Variants in MBTPS1 observed in about 807,000 individuals in gnomAD.
MBTPS1 encodes membrane bound transcription factor peptidase, site 1, also known as membrane-bound transcription factor site-1 protease.
A neutral mutation model predicts 127.8 loss-of-function variants in MBTPS1; 94 were observed. The ratio of observed to expected loss-of-function variants is 0.74; its 90% CI spans 0.62 to 0.87. MBTPS1 has a LOEUF of 0.87. Ranked by LOEUF, MBTPS1 falls within the 40% of genes least tolerant of loss-of-function variation. The probability of loss-of-function intolerance (pLI) is 0.00; values close to 1 mark genes in which losing one functional copy is unlikely to be tolerated. For synonymous variants in MBTPS1, 632 were observed against 509.4 expected, an observed-to-expected ratio of 1.24 and a Z score of -3.24; for missense variants, 1,636 against 1,353.2, an observed-to-expected ratio of 1.21 and a Z score of -3.28.
chr16:84,115,432 T>G (rs1319600497), intron 1 of MBTPS1, among the ~76,000 whole-genome samples: 1 of 152,246 alleles, frequency 6.6e-6, no homozygotes, highest in East Asian at 1.9e-4. Flanking sequence ...TCAACAGTTT[T>G]GCTGTCATCC....
At chr16:84,085,162 C>T in intron 9 of MBTPS1, 28 bp from the exon 10 acceptor site, 3 of 1,611,080 alleles carry the variant, frequency 1.9e-6, no homozygotes, top group Non-Finnish European at 2.5e-6. Flanking sequence ...TTGGTTGCTA[C>T]ATCTCGCACA....
In MBTPS1 at chr16:84,054,566, C is replaced by G; in HGVS notation, c.3042G>C (p.Leu1014=). ...VFAFLGAMVV[L]AFFVVQINKA... ...TGTTGATTTGTACCACAAAGAAGGC[C>G]AGGACCACCATGGCTCCCAGGAAGG... The change falls in exon 23 of 23, where the codon CTG becomes CTC. Residue 1014 remains leucine (L), a synonymous_variant. Transcript: ENST00000343411. 6.2e-7 allele frequency: 1 copy of G among 1,613,922 alleles called. No individual in the cohort carries two copies. Among genetic ancestry groups the G allele is most frequent in the Non-Finnish European group, 8.5e-7 (1 of 1,179,884 alleles).
intron 1 of MBTPS1, among the ~76,000 whole-genome samples, chr16:84,103,858 A>C (rs2086289631): frequency 6.6e-6 from 1 of 152,226 alleles, no homozygotes; most frequent in African/African-American, 2.4e-5. Context: ...CGTGGAACTC[A>C]TCAGAAATGA....
At chr16:84,114,131 AT>A (rs60720978) in intron 1 of MBTPS1, among the ~76,000 whole-genome samples, 110,543 of 151,512 alleles carry the variant, frequency 0.73, 40,441 homozygotes, top group East Asian at 0.85. Context: ...CGCCCGGCTA[AT>A]TTTTTTGTAT....
At chr16:84,070,149 G>C (rs1396866084) in intron 13 of MBTPS1, 111 bp from the exon 14 acceptor site, 2 of 896,058 alleles carry the variant, frequency 2.2e-6, no homozygotes, top group African/African-American at 1.7e-5. Flanking sequence ...TTGAACACAA[G>C]AATTTCCAAT....
intron 1 of MBTPS1, among the ~76,000 whole-genome samples, chr16:84,112,438 T>C (rs1321439857): frequency 6.6e-6 from 1 of 152,010 alleles, no homozygotes; most frequent in Non-Finnish European, 1.5e-5. Flanking sequence ...GGCAGGCGGA[T>C]CATGAGGTCA....
chr16:84,093,055 T>C, intron 6 of MBTPS1, 133 bp downstream of exon 6: 1 of 678,604 alleles, frequency 1.5e-6, no homozygotes, highest in South Asian at 1.7e-5. Context: ...AAACTGAGCA[T>C]GCGTGCTGCA....
chr16:84,066,749 A>G (rs1257356515), intron 16 of MBTPS1, 136 bp from the exon 17 acceptor site: 12 of 866,352 alleles, frequency 1.4e-5, no homozygotes, highest in Non-Finnish European at 1.9e-5. Context: ...ACTGAAACCA[A>G]CTGTCTGGGT....
intron 12 of MBTPS1, chr16:84,071,663 A>C (rs574845397): frequency 6.6e-6 from 1 of 152,232 alleles, no homozygotes; most frequent in Non-Finnish European, 1.5e-5. Flanking sequence ...AAATTTTATT[A>C]TCTCTCTGGA....
chr16:84,113,445 C>T (rs2086426359), intron 1 of MBTPS1, among the ~76,000 whole-genome samples: 3 of 152,152 alleles, frequency 2.0e-5, no homozygotes. Flanking sequence ...CTGAAAAAGA[C>T]ACCGTTCAAA....
chr16:84,104,538 T>C (rs1160252488), intron 1 of MBTPS1, among the ~76,000 whole-genome samples: 1 of 152,164 alleles, frequency 6.6e-6, no homozygotes, highest in East Asian at 1.9e-4. Flanking sequence ...CTATGACACA[T>C]GTGGGCTCCA....
chr16:84,091,708 C>T (rs367803263), intron 7 of MBTPS1, 24 bp downstream of exon 7: 4 of 1,533,088 alleles, frequency 2.6e-6, no homozygotes, highest in Admixed American at 1.7e-5. Context: ...TCACCCAAAC[C>T]CCGTGTGCAG....
At chr16:84,098,929 T>C (rs756233434) in intron 3 of MBTPS1, 124 bp downstream of exon 3, 7 of 1,009,912 alleles carry the variant, frequency 6.9e-6, no homozygotes, top group African/African-American at 1.6e-5. Flanking sequence ...CAGGAAAATG[T>C]TCACAATTAG....
At chr16:84,057,427 C>G (rs1040015470) in intron 21 of MBTPS1, 1 of 152,266 alleles carries the variant, frequency 6.6e-6, no homozygotes, top group African/African-American at 2.4e-5. Context: ...GTCATGGTAA[C>G]AGTCCACACC....
chr16:84,095,976 T>C (rs1165036800), intron 3 of MBTPS1, among the ~76,000 whole-genome samples, 171 bp from the exon 4 acceptor site: 1 of 152,198 alleles, frequency 6.6e-6, no homozygotes, highest in East Asian at 1.9e-4. Context: ...ATTATAATTA[T>C]AGGACGTTAT....
At chr16:84,111,585 T>A (rs1005961982) in intron 1 of MBTPS1, among the ~76,000 whole-genome samples, 3 of 150,554 alleles carry the variant, frequency 2.0e-5, no homozygotes, top group African/African-American at 7.3e-5. Flanking sequence ...GTTGAGATAA[T>A]TTGAGGAAGA....
In MBTPS1 at chr16:84,054,168, C is replaced by G. The variant is rs2151136659; in HGVS notation, c.*281G>C. 6.9e-6 allele frequency: 2 copies of G among 291,756 alleles called. No individual in the cohort carries two copies. Among genetic ancestry groups the G allele is most frequent in the Non-Finnish European group, 6.4e-6 (1 of 156,508 alleles). 18.1% of individuals were successfully genotyped at this position (291,756 alleles called of 1,614,324 possible). ...CTGCAGTCAGAAGACCCCAGACAGCCTTTCCAGTTCTCCCGAGTCTTTGGT... is the reference window on the plus strand; with the variant it reads ...CTGCAGTCAGAAGACCCCAGACAGCGTTTCCAGTTCTCCCGAGTCTTTGGT... On this transcript the variant is annotated 3_prime_UTR_variant, in exon 23 of 23. Coordinates refer to ENST00000343411, the MANE Select transcript of MBTPS1 (RefSeq NM_003791.4).
intron 1 of MBTPS1, among the ~76,000 whole-genome samples, chr16:84,107,383 T>C (rs902393048): frequency 6.6e-6 from 1 of 152,088 alleles, no homozygotes; most frequent in African/African-American, 2.4e-5. Context: ...CCCATGGGGA[T>C]GAATGATAAG....
At chr16:84,115,648 T>A (rs1438593071) in intron 1 of MBTPS1, among the ~76,000 whole-genome samples, 7 of 152,196 alleles carry the variant, frequency 4.6e-5, no homozygotes, top group African/African-American at 1.7e-4. Context: ...ATCATATGTT[T>A]CCATCTGAAT....
Sources: gnomAD v4.1 joint callset for allele counts (sites outside exome capture counted in the v4.1 genomes callset) on GRCh38, gnomAD v4.1.1 for gene constraint, MANE v1.5 for transcripts, NCBI Gene and HGNC (gene_info 2026-07-23, HGNC 2026-07-21) for gene names.